The following ZSCAN30 variants were observed in gnomAD, a reference collection of about 807,000 sequenced individuals.
ZSCAN30 encodes the protein zinc finger and SCAN domain containing 30, also known as zinc finger and SCAN domain-containing protein 30.
In ZSCAN30, 37 loss-of-function variants were observed where a neutral mutation model predicts 44.3. That is an observed-to-expected ratio of 0.84 (90% CI 0.64 to 1.10). The LOEUF (loss-of-function observed/expected upper bound fraction) is 1.10, where lower values mean the gene tolerates loss of function less well. ZSCAN30 is among the 50% of genes least tolerant of loss of function. The probability of loss-of-function intolerance (pLI) is 0.00; values close to 1 mark genes in which losing one functional copy is unlikely to be tolerated. For synonymous variants in ZSCAN30, 181 were observed against 204.6 expected, an observed-to-expected ratio of 0.88 and a Z score of 0.98; for missense variants, 549 against 582.6, an observed-to-expected ratio of 0.94 and a Z score of 0.59.
chr18:35,270,789 G>A lies in ZSCAN30; in HGVS notation c.-103-6334C>T, dbSNP rs118155408. Among the ~76,000 whole-genome samples, 33 of 152,292 alleles carry A rather than the reference G, an allele frequency of 2.2e-4. No individual in the cohort carries two copies. In the East Asian group the frequency reaches 2.5e-3, roughly 12 times the overall value. On this transcript the variant is annotated intron_variant, in intron 1 of 3. Transcript: ENST00000333206. ...TCTCACTGACTTCAAGAATAAAGCC[G>A]CGGACCCTCGCAGTGAGTGTTAACA... is the stretch of plus-strand genomic sequence containing the variant.
chr18:35,264,570 CAG>C (rs1313150223), intron 1 of ZSCAN30, 115 bp from the exon 2 acceptor site: 2 of 517,440 alleles, frequency 3.9e-6, no homozygotes, highest in African/African-American at 3.8e-5. Context: ...AACTGACTAA[CAG>C]GGCACTTCCA....
intron 1 of ZSCAN30, chr18:35,267,784 C>T (rs1271864086): frequency 2.0e-5 from 3 of 151,962 alleles, no homozygotes; most frequent in Non-Finnish European, 2.9e-5. Context: ...TATTTTTCCT[C>T]GTTATGTCGC....
intron 1 of ZSCAN30, among the ~76,000 whole-genome samples, chr18:35,265,343 T>G (rs1478947512): frequency 6.6e-6 from 1 of 152,092 alleles, no homozygotes; most frequent in African/African-American, 2.4e-5. Context: ...CAAATACTAT[T>G]TTACTGGAGC....
intron 1 of ZSCAN30, chr18:35,266,703 T>G (rs1474136944): frequency 7.2e-6 from 1 of 138,626 alleles, no homozygotes; most frequent in Non-Finnish European, 1.5e-5. Flanking sequence ...AGTCCACTCT[T>G]TCGCCCAGGC....
In ZSCAN30 at chr18:35,254,098, T is replaced by G. The variant is rs754306635; in HGVS notation, c.837A>C (p.Glu279Asp). The G allele has an allele frequency of 2.5e-6, 4 of 1,614,110 alleles. No individual in the cohort carries two copies. The highest frequency in any genetic ancestry group is 3.4e-6 in the Non-Finnish European group (4 of 1,180,010). ...CATTTGAATTCATACTGAAACTTCCTTCACTCTCATGAGATTCAAGGACAC... is the reference window on the plus strand; with the variant it reads ...CATTTGAATTCATACTGAAACTTCCGTCACTCTCATGAGATTCAAGGACAC... ...EHSVLESHESEGSFSMNSNDI... is the reference protein window; with the variant it reads ...EHSVLESHESDGSFSMNSNDI... Residue 279 changes from glutamate to aspartate, a missense_variant, in exon 4 of 4, where the codon GAA (glutamate) becomes GAC (aspartate). Transcript: ENST00000333206.
intron 3 of ZSCAN30, chr18:35,254,732 G>A (rs1432132811): frequency 2.5e-5 from 8 of 324,038 alleles, no homozygotes; most frequent in Non-Finnish European, 3.5e-5. Flanking sequence ...GAGATAATCA[G>A]GAAAAAAAAG....
chr18:35,271,971 G>A (rs1041593613), intron 1 of ZSCAN30, among the ~76,000 whole-genome samples: 9 of 152,140 alleles, frequency 5.9e-5, no homozygotes, highest in South Asian at 2.1e-4. Context: ...GCGCCCACCC[G>A]GAACTCGCGC....
intron 3 of ZSCAN30, chr18:35,255,881 A>T (rs967860799): frequency 6.5e-6 from 1 of 154,324 alleles, no homozygotes; most frequent in Non-Finnish European, 1.5e-5. Context: ...ACTTGCATAC[A>T]ATAGAGGCAT....
chr18:35,266,730 T>G (rs1347043728), intron 1 of ZSCAN30: 1 of 140,260 alleles, frequency 7.1e-6, no homozygotes, highest in African/African-American at 2.7e-5. Flanking sequence ...GCAGTGGCGC[T>G]ATCTCGGCTC....
At chr18:35,260,156 C>T (rs2043991680) in intron 3 of ZSCAN30, 1 of 152,230 alleles carries the variant, frequency 6.6e-6, no homozygotes, top group African/African-American at 2.4e-5. Flanking sequence ...ATAATGGCTT[C>T]AGGCTCCATC....
At chr18:35,273,946 T>C (rs1286946328) in intron 1 of ZSCAN30, among the ~76,000 whole-genome samples, 2 of 152,368 alleles carry the variant, frequency 1.3e-5, no homozygotes, top group Middle Eastern at 3.4e-3. Flanking sequence ...TGGTTGTTCT[T>C]AGCTCGGTTG....
rs550739228 is a variant in ZSCAN30 at position 35,280,329 on chromosome 18, T to C, written c.-104+9755A>G. On this transcript the variant is annotated intron_variant, in intron 1 of 3. Coordinates refer to ENST00000333206, the MANE Select transcript of ZSCAN30 (RefSeq NM_001112734.4). The stretch of plus-strand genomic sequence containing the variant: ...AGACAGAGAAGGCAACCACCATTTA[T>C]AAAAAGAGAGAGAGAGGCAGAGAGA... Among the ~76,000 whole-genome samples the C allele has an allele frequency of 2.8e-5, 4 of 144,486 alleles. No individual in the cohort carries two copies. In the South Asian group the frequency reaches 8.8e-4, roughly 32 times the overall value. The allele number at this position is 144,486 out of a possible 152,430, so 94.8% of individuals were successfully genotyped here. A position where few individuals can be genotyped will look rare whatever the true frequency, so the allele number is the denominator to read the frequency against.
chr18:35,258,088 C>G, intron 3 of ZSCAN30: 3 of 732,804 alleles, frequency 4.1e-6, no homozygotes, highest in Non-Finnish European at 5.0e-6. Context: ...AATCATATCA[C>G]AGTGGGCCTC....
intron 3 of ZSCAN30, chr18:35,258,346 A>C (rs1474349325): frequency 2.5e-5 from 5 of 197,294 alleles, no homozygotes; most frequent in Non-Finnish European, 5.1e-5. Flanking sequence ...TCAACAACAT[A>C]CTGCCACTAT....
chr18:35,264,130 G>C lies in ZSCAN30; in HGVS notation c.223C>G (p.Gln75Glu). ...ALSRLRELCC[Q>E]WLRPEVHSKE... ...GAGTGCACCTCCGGCCTCAACCACT[G>C]ACAGCAAAGCTCTCGCAGCCGGCTC... is the stretch of plus-strand genomic sequence containing the variant. The change falls in exon 2 of 4, where the codon CAG becomes GAG. Residue 75 changes from glutamine to glutamate, a missense_variant. Gln to Glu is a conservative substitution (Grantham distance 29). Coordinates refer to ENST00000333206, the MANE Select transcript of ZSCAN30 (RefSeq NM_001112734.4). 6.2e-7 allele frequency: 1 copy of C among 1,614,170 alleles called. No individual in the cohort carries two copies. The highest frequency in any genetic ancestry group is 1.1e-5 in the South Asian group (1 of 91,078).
chr18:35,279,290 C>G (rs891165140), intron 1 of ZSCAN30, among the ~76,000 whole-genome samples: 2 of 152,204 alleles, frequency 1.3e-5, no homozygotes, highest in East Asian at 3.8e-4. Context: ...AGTGTCTGTT[C>G]CATCCCACTG....
intron 3 of ZSCAN30, chr18:35,262,419 T>C (rs1369808857): frequency 6.6e-6 from 1 of 152,230 alleles, no homozygotes; most frequent in African/African-American, 2.4e-5. Context: ...CAGCTATCAA[T>C]TTATTGCCTC....
chr18:35,278,439 G>T lies in ZSCAN30; in HGVS notation c.-104+11645C>A, dbSNP rs561432098. On this transcript the variant is annotated intron_variant, in intron 1 of 3. Transcript: ENST00000333206. ...GATAGCATTGTCAAAATCCTTGTCA[G>T]TTTTCCATAGATTTTAAGAGAATCC... Among the ~76,000 whole-genome samples the T allele has an allele frequency of 6.0e-4, 92 of 152,306 alleles. 1 individual carries two copies. The highest frequency in any genetic ancestry group is 1.9e-3 in the African/African-American group (79 of 41,568).
chr18:35,289,351 TC>T (rs2044612679), intron 1 of ZSCAN30: 1 of 152,158 alleles, frequency 6.6e-6, no homozygotes, highest in African/African-American at 2.4e-5. Context: ...ATCTCTTTCC[TC>T]TTACGGTTAT....
Sources: gnomAD v4.1 joint callset for allele counts (sites outside exome capture counted in the v4.1 genomes callset) on GRCh38, gnomAD v4.1.1 for gene constraint, MANE v1.5 for transcripts, NCBI Gene and HGNC (gene_info 2026-07-23, HGNC 2026-07-21) for gene names.